FOXN3: variants seen among roughly 807,000 people sequenced by gnomAD.
FOXN3 encodes the protein forkhead box protein N3.
A neutral mutation model predicts 38.4 loss-of-function variants in FOXN3; 7 were observed. The ratio of observed to expected loss-of-function variants is 0.18; its 90% CI spans 0.10 to 0.34. The LOEUF (loss-of-function observed/expected upper bound fraction) is 0.34, where lower values mean the gene tolerates loss of function less well. Among genes scored for constraint, FOXN3 ranks in the 10% least tolerant of loss-of-function variants. The pLI is 1.00. For missense variants in FOXN3, 456 were observed against 613.4 expected, an observed-to-expected ratio of 0.74 and a Z score of 2.71; for synonymous variants, 230 against 242.2, an observed-to-expected ratio of 0.95 and a Z score of 0.47.
chr14:89,422,923 C>T (rs868209808), intron 1 of FOXN3, among the ~76,000 whole-genome samples: 1 of 152,144 alleles, frequency 6.6e-6, no homozygotes, highest in Non-Finnish European at 1.5e-5. Context: ...CTTGTCAAGC[C>T]GGCTGCTGGA....
Position 89,277,190 on chromosome 14 carries a change from A to T in FOXN3, c.745+3760T>A, listed in dbSNP as rs150098593. 1.9e-3 allele frequency among the ~76,000 whole-genome samples: 287 copies of T among 152,348 alleles called. 1 individual carries two copies. Among genetic ancestry groups the T allele is most frequent in the African/African-American group, 6.4e-3 (267 of 41,588 alleles). On this transcript the variant is annotated intron_variant, in intron 4 of 5. Transcript: ENST00000557258. ...CAAAATAAGAGAGATTAGTAAATGA[A>T]TTAAACGAATAAAATAAAGAACACG...
At chr14:89,210,069 T>C (rs898618292) in intron 4 of FOXN3, among the ~76,000 whole-genome samples, 1 of 152,248 alleles carries the variant, frequency 6.6e-6, no homozygotes, top group East Asian at 1.9e-4. Flanking sequence ...GTCCCAGAAC[T>C]GTGGCTTGAC....
intron 1 of FOXN3, among the ~76,000 whole-genome samples, chr14:89,595,160 C>CA (rs1329859208): frequency 0.099 from 12,742 of 128,218 alleles, 847 homozygotes; most frequent in African/African-American, 0.21. Context: ...ACTAAAAATA[C>CA]AAAAAAAAAA....
Position 89,219,444 on chromosome 14 carries a change from T to C in FOXN3, c.746-38638A>G, listed in dbSNP as rs570327032. 4.1e-4 allele frequency among the ~76,000 whole-genome samples: 63 copies of C among 152,322 alleles called. 1 individual carries two copies. The South Asian group carries it at 0.012, about 30-fold the overall frequency. Reference sequence around the variant, plus strand: ...TGAAAACGGACTAATAAAGGCATTATTGGAGATGCTCAGAGCTTCTAACTT... The same window carrying C: ...TGAAAACGGACTAATAAAGGCATTACTGGAGATGCTCAGAGCTTCTAACTT... On this transcript the variant is annotated intron_variant, in intron 4 of 5. Transcript: ENST00000557258.
intron 3 of FOXN3, among the ~76,000 whole-genome samples, chr14:89,343,887 C>G (rs549413601): frequency 1.3e-5 from 2 of 152,158 alleles, no homozygotes; most frequent in East Asian, 3.9e-4. Flanking sequence ...CTTAGCCTCC[C>G]GAGTAGCTGA....
At chr14:89,179,054 G>A (rs1349026110) in intron 5 of FOXN3, among the ~76,000 whole-genome samples, 2 of 152,196 alleles carry the variant, frequency 1.3e-5, no homozygotes, top group Non-Finnish European at 1.5e-5. Flanking sequence ...TGTGAGGTAA[G>A]AGCATTGGAA....
intron 4 of FOXN3, among the ~76,000 whole-genome samples, chr14:89,274,805 C>T (rs1172795248): frequency 2.0e-5 from 3 of 152,144 alleles, no homozygotes; most frequent in Admixed American, 6.5e-5. Context: ...AAGATATGTA[C>T]GAATTCTCCT....
At chr14:89,450,520 G>C (rs1370706440) in intron 1 of FOXN3, among the ~76,000 whole-genome samples, 1 of 151,954 alleles carries the variant, frequency 6.6e-6, no homozygotes, top group Admixed American at 6.6e-5. Context: ...TGCCAACGAG[G>C]GGCAGGAATA....
At chr14:89,262,022 C>T (rs779616307) in intron 4 of FOXN3, among the ~76,000 whole-genome samples, 4 of 151,852 alleles carry the variant, frequency 2.6e-5, no homozygotes, top group Admixed American at 6.6e-5. Context: ...GAGAATTACT[C>T]GAATCCAGGA....
chr14:89,329,899 C>T (rs1214050420), intron 3 of FOXN3, among the ~76,000 whole-genome samples: 2 of 146,546 alleles, frequency 1.4e-5, no homozygotes, highest in South Asian at 2.1e-4. Flanking sequence ...AATTATCTGG[C>T]CCCAAATGTC....
chr14:89,326,486 G>A (rs1449200692), intron 3 of FOXN3, among the ~76,000 whole-genome samples: 1 of 152,246 alleles, frequency 6.6e-6, no homozygotes, highest in South Asian at 2.1e-4. Context: ...CTGGCTGCCC[G>A]GGAAGTCATC....
intron 1 of FOXN3, among the ~76,000 whole-genome samples, chr14:89,604,303 A>G (rs1247740580): frequency 6.6e-6 from 1 of 152,134 alleles, no homozygotes; most frequent in Non-Finnish European, 1.5e-5. Flanking sequence ...ACAAAGCACC[A>G]TGAACAACAA....
At position 89,333,167 on chromosome 14, in the gene FOXN3, C is replaced by T. The variant is rs191368981; in HGVS notation, c.680+17505G>A. The stretch of plus-strand genomic sequence containing the variant: ...GCACCAGGCCGGGCTCGGTGGCTCA[C>T]GCCTGTAATCCCAGCACTTGGGAAG... On this transcript the variant is annotated intron_variant, in intron 3 of 5. Coordinates refer to ENST00000557258, the MANE Select transcript of FOXN3 (RefSeq NM_005197.4). 40 of 161,512 alleles carry T rather than the reference C, an allele frequency of 2.5e-4. 1 individual carries two copies. The highest frequency in any genetic ancestry group is 3.2e-3 in the Middle Eastern group (1 of 316). 10.0% of individuals were successfully genotyped at this position (161,512 alleles called of 1,614,324 possible). A position where few individuals can be genotyped will look rare whatever the true frequency, so the allele number is the denominator to read the frequency against.
chr14:89,386,100 C>T (rs1408790340), intron 2 of FOXN3, among the ~76,000 whole-genome samples: 2 of 152,206 alleles, frequency 1.3e-5, no homozygotes, highest in East Asian at 3.8e-4. Context: ...AATGCCTTCG[C>T]TGACAGCAAA....
chr14:89,238,161 G>A (rs971939122), intron 4 of FOXN3, among the ~76,000 whole-genome samples: 2 of 152,174 alleles, frequency 1.3e-5, no homozygotes, highest in African/African-American at 4.8e-5. Context: ...GCACCAGAAC[G>A]AAGCCCAACA....
intron 5 of FOXN3, among the ~76,000 whole-genome samples, chr14:89,175,679 C>T (rs1464490833): frequency 6.6e-6 from 1 of 152,160 alleles, no homozygotes; most frequent in Non-Finnish European, 1.5e-5. Context: ...AAATGTGGTT[C>T]CTGAGTTCAC....
At chr14:89,275,236 G>A (rs917845840) in intron 4 of FOXN3, among the ~76,000 whole-genome samples, 1 of 152,156 alleles carries the variant, frequency 6.6e-6, no homozygotes, top group African/African-American at 2.4e-5. Context: ...TTGGGGATGG[G>A]TATCTTCAGC....
chr14:89,515,843 G>A (rs1894189617), intron 1 of FOXN3, among the ~76,000 whole-genome samples: 1 of 152,184 alleles, frequency 6.6e-6, no homozygotes, highest in Non-Finnish European at 1.5e-5. Flanking sequence ...GAAAGCGAAG[G>A]GTGCTGAGCT....
chr14:89,608,017 C>A (rs1179044156), intron 1 of FOXN3, among the ~76,000 whole-genome samples: 1 of 148,402 alleles, frequency 6.7e-6, no homozygotes, highest in Non-Finnish European at 1.5e-5. Flanking sequence ...CTCGCTCTGT[C>A]ACCCAGACTG....
Sources: allele counts gnomAD v4.1 joint callset (sites outside exome capture counted in the v4.1 genomes callset), GRCh38; gene constraint gnomAD v4.1.1; transcripts MANE v1.5; gene names NCBI Gene and HGNC (gene_info 2026-07-23, HGNC 2026-07-21).